Variants in TENM3 observed in about 807,000 individuals in gnomAD.
The protein encoded by TENM3 is teneurin transmembrane protein 3.
TENM3 carries 63 observed loss-of-function variants against 255.1 expected under a neutral mutation model. The observed-to-expected ratio is 0.25, with a 90% CI of 0.20 to 0.30. The LOEUF (loss-of-function observed/expected upper bound fraction) is 0.30. Ranked by LOEUF, TENM3 falls within the 10% of genes least tolerant of loss-of-function variation. The pLI, the probability that TENM3 is intolerant of heterozygous loss-of-function variation, is 1.00. For synonymous variants in TENM3, 1,306 were observed against 1,322.3 expected (o/e 0.99, Z 0.27); for missense variants, 2,929 against 3,461.1 (o/e 0.85, Z 3.86).
At chr4:182,438,017 G>A (rs1042660533) in intron 3 of TENM3, among the ~76,000 whole-genome samples, 1 of 152,072 alleles carries the variant, frequency 6.6e-6, no homozygotes. Flanking sequence ...GAAACTGGAG[G>A]AACCTCCTGG....
chr4:182,362,590 G>A (rs989666703), intron 3 of TENM3, among the ~76,000 whole-genome samples: 3 of 152,102 alleles, frequency 2.0e-5, no homozygotes, highest in Admixed American at 1.3e-4. Context: ...CTCAGTACTC[G>A]GGTGGGAGTG....
At chr4:181,932,390 G>A in the TENM3 span, among the ~76,000 whole-genome samples, 1 of 152,206 alleles carries the variant, frequency 6.6e-6, no homozygotes, top group Non-Finnish European at 1.5e-5. Flanking sequence ...GGACATTTAT[G>A]TGGCCAACAA....
At chr4:182,157,837 C>T (rs539052064) in intron 1 of TENM3, among the ~76,000 whole-genome samples, 3 of 152,152 alleles carry the variant, frequency 2.0e-5, no homozygotes, top group Non-Finnish European at 4.4e-5. Context: ...CCCAACTTCA[C>T]GAACAGGTAA....
chr4:182,188,208 G>A (rs2149775394), intron 1 of TENM3, among the ~76,000 whole-genome samples: 1 of 152,202 alleles, frequency 6.6e-6, no homozygotes, highest in Non-Finnish European at 1.5e-5. Context: ...TAAAATGAGT[G>A]CTTTTGAGAG....
chr4:181,773,936 A>T, the TENM3 span, among the ~76,000 whole-genome samples: 3 of 151,748 alleles, frequency 2.0e-5, no homozygotes, highest in African/African-American at 7.3e-5. Flanking sequence ...TTCAAAATTA[A>T]ACCCAAATCT....
chr4:182,157,848 C>CAGATCAATGAATTTGGT (rs1750814336), intron 1 of TENM3, among the ~76,000 whole-genome samples: 1 of 152,172 alleles, frequency 6.6e-6, no homozygotes, highest in Non-Finnish European at 1.5e-5. Context: ...GAACAGGTAA[C>CAGATCAATGAATTTGGT]AGCAACACCA....
intron 3 of TENM3, among the ~76,000 whole-genome samples, chr4:182,398,065 TC>T (rs1439949330): frequency 1.2e-4 from 18 of 152,090 alleles, no homozygotes; most frequent in African/African-American, 4.3e-4. Flanking sequence ...GGACAGCCCA[TC>T]AAAATAGAAA....
chr4:182,352,861 T>G (rs991286134), intron 3 of TENM3, among the ~76,000 whole-genome samples: 2 of 152,124 alleles, frequency 1.3e-5, no homozygotes, highest in African/African-American at 4.8e-5. Flanking sequence ...TCAGCTATTT[T>G]GCAATCCAGA....
At chr4:181,590,392 C>T in the TENM3 span, among the ~76,000 whole-genome samples, 2 of 152,116 alleles carry the variant, frequency 1.3e-5, no homozygotes, top group African/African-American at 2.4e-5. Flanking sequence ...AACTCCTGTC[C>T]GATTTACCTA....
chr4:182,037,694 G>A, the TENM3 span, among the ~76,000 whole-genome samples: 3 of 152,158 alleles, frequency 2.0e-5, no homozygotes, highest in Admixed American at 6.5e-5. Context: ...TTCCTATGGT[G>A]TTTAGCTAGT....
the TENM3 span, among the ~76,000 whole-genome samples, chr4:181,640,509 C>T: frequency 6.6e-6 from 1 of 152,184 alleles, no homozygotes; most frequent in Non-Finnish European, 1.5e-5. Flanking sequence ...TCCTCTGCCA[C>T]GTCTCTGAAG....
intron 1 of TENM3, among the ~76,000 whole-genome samples, chr4:182,291,371 G>A (rs1476970950): frequency 6.6e-6 from 1 of 152,168 alleles, no homozygotes; most frequent in Admixed American, 6.5e-5. Context: ...GCATGAAAGA[G>A]CCTGGTATGT....
chr4:182,493,889 A>G (rs1173492869), intron 3 of TENM3, among the ~76,000 whole-genome samples: 1 of 152,284 alleles, frequency 6.6e-6, no homozygotes, highest in Admixed American at 6.5e-5. Flanking sequence ...TGTAAAAATA[A>G]TATTGGTTTT....
intron 1 of TENM3, among the ~76,000 whole-genome samples, chr4:182,321,061 C>A (rs551439496): frequency 6.6e-6 from 1 of 152,184 alleles, no homozygotes; most frequent in Admixed American, 6.5e-5. Flanking sequence ...ACTAAAAATG[C>A]TCGAATTATA....
chr4:182,771,539 A>G (rs953401710), intron 22 of TENM3, among the ~76,000 whole-genome samples: 2 of 151,730 alleles, frequency 1.3e-5, no homozygotes, highest in Non-Finnish European at 2.9e-5. Flanking sequence ...TCTCCTATGT[A>G]GAGGCATTCA....
chr4:182,237,204 G>T (rs975372429), intron 1 of TENM3, among the ~76,000 whole-genome samples: 7 of 152,138 alleles, frequency 4.6e-5, no homozygotes, highest in African/African-American at 1.4e-4. Context: ...TGGGTGCGTA[G>T]TATTCCATGG....
At chr4:182,223,783 C>CA (rs61535632) in intron 1 of TENM3, among the ~76,000 whole-genome samples, 4,472 of 112,912 alleles carry the variant, frequency 0.04, 200 homozygotes, top group African/African-American at 0.085. Context: ...GATAGATTGG[C>CA]AAAAAAAAAA....
intron 5 of TENM3, among the ~76,000 whole-genome samples, chr4:182,650,903 T>C (rs967402879): frequency 1.1e-4 from 2 of 18,222 alleles, no homozygotes; most frequent in Non-Finnish European, 2.1e-4. Context: ...TATATATATA[T>C]ATATATATAT....
the TENM3 span, among the ~76,000 whole-genome samples, chr4:182,051,682 A>G: frequency 6.6e-6 from 1 of 152,116 alleles, no homozygotes; most frequent in Admixed American, 6.6e-5. Flanking sequence ...AAAGAGCATA[A>G]TTTATTCACT....
Sources: allele counts gnomAD v4.1 joint callset (sites outside exome capture counted in the v4.1 genomes callset), GRCh38; gene constraint gnomAD v4.1.1; transcripts MANE v1.5; gene names NCBI Gene and HGNC (gene_info 2026-07-23, HGNC 2026-07-21).